NFATC3: variants seen among roughly 807,000 people sequenced by gnomAD.
NFATC3 encodes nuclear factor of activated T cells 3.
In NFATC3, 46 loss-of-function variants were observed where a neutral mutation model predicts 98.6. The observed-to-expected ratio is 0.47, with a 90% CI of 0.37 to 0.60. The LOEUF is 0.60. Among genes scored for constraint, NFATC3 ranks in the 20% least tolerant of loss-of-function variants. NFATC3 has a pLI of 0.00. For synonymous variants in NFATC3, 512 were observed against 472.2 expected, an observed-to-expected ratio of 1.08 and a Z score of -1.09; for missense variants, 1,256 against 1,295.5, an observed-to-expected ratio of 0.97 and a Z score of 0.47.
At chr16:68,110,060 A>G (rs1047652998) in intron 1 of NFATC3, among the ~76,000 whole-genome samples, 3 of 152,150 alleles carry the variant, frequency 2.0e-5, no homozygotes, top group African/African-American at 4.8e-5. Context: ...GCTGGAGTGC[A>G]GTGATACGAT....
chr16:68,138,553 C>T (rs753322453), intron 3 of NFATC3: 2 of 1,288,928 alleles, frequency 1.6e-6, no homozygotes, highest in South Asian at 1.2e-5. Flanking sequence ...CTTTGATGCA[C>T]AGCTTCTACT....
intron 9 of NFATC3, among the ~76,000 whole-genome samples, chr16:68,194,780 G>T (rs575999702): frequency 2.0e-5 from 3 of 152,220 alleles, no homozygotes; most frequent in Admixed American, 6.5e-5. Context: ...GAGAGATTTG[G>T]GGGTAGAGGG....
intron 3 of NFATC3, among the ~76,000 whole-genome samples, chr16:68,145,621 A>C (rs1032061383): frequency 6.6e-6 from 1 of 152,196 alleles, no homozygotes; most frequent in Non-Finnish European, 1.5e-5. Context: ...TCAATATACT[A>C]TATGATTCTA....
chr16:68,119,189 T>G (rs1401272367), intron 1 of NFATC3, among the ~76,000 whole-genome samples: 1 of 152,134 alleles, frequency 6.6e-6, no homozygotes, highest in African/African-American at 2.4e-5. Context: ...TTAATAATAG[T>G]TCAAGGCTTT....
intron 9 of NFATC3, among the ~76,000 whole-genome samples, chr16:68,194,819 A>G (rs2040592076): frequency 6.6e-6 from 1 of 152,198 alleles, no homozygotes; most frequent in Admixed American, 6.5e-5. Flanking sequence ...AGATCTCTAG[A>G]AAGATTTTGG....
intron 1 of NFATC3, among the ~76,000 whole-genome samples, chr16:68,121,562 C>A (rs527519083): frequency 6.6e-6 from 1 of 150,926 alleles, no homozygotes; most frequent in South Asian, 2.1e-4. Context: ...CCCAGCTACT[C>A]CAGAGGCTGA....
chr16:68,188,233 G>A (rs934139543), intron 8 of NFATC3, among the ~76,000 whole-genome samples: 1 of 152,184 alleles, frequency 6.6e-6, no homozygotes, highest in Non-Finnish European at 1.5e-5. Context: ...CGGGAGGGGG[G>A]CTTCCTGGGT....
chr16:68,146,332 T>C (rs1337544162), intron 3 of NFATC3, among the ~76,000 whole-genome samples: 1 of 151,876 alleles, frequency 6.6e-6, no homozygotes, highest in Non-Finnish European at 1.5e-5. Flanking sequence ...CTTGGGAGAC[T>C]GAGGCAAGAG....
chr16:68,209,803 A>T, intron 9 of NFATC3: 1 of 398,308 alleles, frequency 2.5e-6, no homozygotes, highest in Non-Finnish European at 4.9e-6. Flanking sequence ...GCAAGAAATG[A>T]ACGAATAAAA....
At chr16:68,182,720 T>C (rs1367010445) in intron 7 of NFATC3, among the ~76,000 whole-genome samples, 2 of 152,058 alleles carry the variant, frequency 1.3e-5, no homozygotes, top group South Asian at 2.1e-4. Flanking sequence ...GGTTTTAACA[T>C]GTTGGCCAGG....
chr16:68,183,247 T>A lies in NFATC3; in HGVS notation c.1979T>A (p.Ile660Asn). 1 of 1,585,956 alleles carries A rather than the reference T, an allele frequency of 6.3e-7. No homozygotes were observed. The highest frequency in any genetic ancestry group is 8.5e-7 in the Non-Finnish European group (1 of 1,171,192). The part of the protein sequence containing the change: ...IIREKCQGAH[I>N]VLEVPPYHNP... The stretch of plus-strand genomic sequence containing the variant: ...CTTGCTTTCCATCCTTAGGCTCACA[T>A]TGTCCTTGAAGTTCCTCCATATCAT... The change falls in exon 8 of 10, where the codon ATT (isoleucine) becomes AAT (asparagine). Residue 660 changes from isoleucine (I) to asparagine (N), a missense_variant. Ile to Asn is a moderately radical substitution (Grantham distance 149, BLOSUM62 -3). Around this residue, in one of 3 missense-constraint regions of NFATC3, gnomAD observed 636 missense variants for 617.3 expected, o/e 1.03. Coordinates refer to ENST00000346183, the MANE Select transcript of NFATC3 (RefSeq NM_173165.3).
intron 3 of NFATC3, among the ~76,000 whole-genome samples, chr16:68,129,075 A>G (rs2151514959): frequency 6.6e-6 from 1 of 152,296 alleles, no homozygotes; most frequent in South Asian, 2.1e-4. Flanking sequence ...AGCCTGGGCA[A>G]CAGAGACCAA....
Position 68,160,811 on chromosome 16 carries a change from A to G in NFATC3, c.1601+2743A>G, listed in dbSNP as rs576684911. On this transcript the variant is annotated intron_variant, in intron 4 of 9. Transcript: ENST00000346183. ...GTGATTCTCGTGCTTCAGCCACCCA[A>G]GTAGCTGAGATTGCACACGTGCACC... is the stretch of plus-strand genomic sequence containing the variant. Among the ~76,000 whole-genome samples the G allele has an allele frequency of 5.3e-5, 8 of 152,222 alleles. No homozygotes were observed. The South Asian group carries it at 1.7e-3, about 32-fold the overall frequency.
chr16:68,185,189 C>G (rs1156356333), intron 8 of NFATC3, among the ~76,000 whole-genome samples: 1 of 152,064 alleles, frequency 6.6e-6, no homozygotes, highest in Non-Finnish European at 1.5e-5. Flanking sequence ...GTTGGCCAGG[C>G]TGGTCTCGAA....
intron 3 of NFATC3, among the ~76,000 whole-genome samples, chr16:68,144,583 G>A (rs1263850190): frequency 2.6e-5 from 4 of 152,054 alleles, no homozygotes; most frequent in South Asian, 2.1e-4. Context: ...GAGCTCAAGC[G>A]ATCCATCCAC....
intron 1 of NFATC3, among the ~76,000 whole-genome samples, chr16:68,119,751 A>G (rs2036473115): frequency 6.6e-6 from 1 of 152,136 alleles, no homozygotes; most frequent in Non-Finnish European, 1.5e-5. Flanking sequence ...TCTTACAGCA[A>G]ATATCACTAC....
At chr16:68,097,753 T>C (rs182553141) in intron 1 of NFATC3, among the ~76,000 whole-genome samples, 4 of 152,312 alleles carry the variant, frequency 2.6e-5, no homozygotes, top group Admixed American at 6.5e-5. Context: ...ATAAACAACA[T>C]ATTTAAAGTG....
chr16:68,114,003 T>C (rs2036128026), intron 1 of NFATC3, among the ~76,000 whole-genome samples: 1 of 152,222 alleles, frequency 6.6e-6, no homozygotes, highest in Non-Finnish European at 1.5e-5. Context: ...TCTTAGGCAG[T>C]GTCCAGCCTG....
At chr16:68,112,762 C>T (rs1288382013) in intron 1 of NFATC3, among the ~76,000 whole-genome samples, 1 of 150,756 alleles carries the variant, frequency 6.6e-6, no homozygotes, top group Non-Finnish European at 1.5e-5. Context: ...GGGTTCACGC[C>T]ATTCTCCTGC....
Sources: gnomAD v4.1 joint callset for allele counts (sites outside exome capture counted in the v4.1 genomes callset) on GRCh38, gnomAD v4.1.1 for gene constraint, gnomAD v4.1.1 regional missense constraint, MANE v1.5 for transcripts, NCBI Gene and HGNC (gene_info 2026-07-23, HGNC 2026-07-21) for gene names.